Variants in RUVBL1 observed in about 807,000 individuals in gnomAD.
RUVBL1 encodes the protein ruvB-like 1.
Under a neutral mutation model 52.4 loss-of-function variants are expected in RUVBL1, and 4 were observed. The ratio of observed to expected loss-of-function variants is 0.08; its 90% CI spans 0.04 to 0.17. RUVBL1 has a LOEUF of 0.17. Among genes scored for constraint, RUVBL1 ranks in the 10% least tolerant of loss-of-function variants. The pLI, the probability that RUVBL1 is intolerant of heterozygous loss-of-function variation, is 1.00. For missense variants in RUVBL1, 298 were observed against 572.8 expected (o/e 0.52, Z 4.90); for synonymous variants, 217 against 214.4 (o/e 1.01, Z -0.10).
At chr3:128,136,096 A>T (rs1035173817) in intron 1 of RUVBL1, among the ~76,000 whole-genome samples, 3 of 152,162 alleles carry the variant, frequency 2.0e-5, no homozygotes, top group East Asian at 1.9e-4. Context: ...ACCACAAATT[A>T]AAAAACCTAC....
intron 8 of RUVBL1, among the ~76,000 whole-genome samples, chr3:128,092,816 C>T (rs1704191102): frequency 6.6e-6 from 1 of 152,154 alleles, no homozygotes; most frequent in Admixed American, 6.5e-5. Flanking sequence ...AAACAGTTAC[C>T]ACTGGACCCA....
chr3:128,066,739 A>G, intron 9 of RUVBL1: 1 of 577,784 alleles, frequency 1.7e-6, no homozygotes, highest in Non-Finnish European at 3.1e-6. Context: ...TGTATTTTTA[A>G]ACCAGCTTTT....
chr3:128,109,680 G>C (rs897193389), intron 3 of RUVBL1, among the ~76,000 whole-genome samples: 5 of 151,714 alleles, frequency 3.3e-5, no homozygotes, highest in African/African-American at 1.2e-4. Context: ...TTTTTGTAGA[G>C]ACACAGTTTC....
chr3:128,107,560 T>G (rs1221168432), intron 3 of RUVBL1, among the ~76,000 whole-genome samples: 1 of 152,234 alleles, frequency 6.6e-6, no homozygotes, highest in Non-Finnish European at 1.5e-5. Context: ...GTTTGCCTTC[T>G]CTACCCCAGA....
At chr3:128,144,895 T>G (rs930101957) in intron 1 of RUVBL1, among the ~76,000 whole-genome samples, 1 of 152,214 alleles carries the variant, frequency 6.6e-6, no homozygotes, top group Non-Finnish European at 1.5e-5. Context: ...GGCAGAGCAC[T>G]GGATTTCTCT....
At chr3:128,109,808 A>ATTTT (rs1463569803) in intron 3 of RUVBL1, among the ~76,000 whole-genome samples, 1 of 52,298 alleles carries the variant, frequency 1.9e-5, no homozygotes, top group South Asian at 6.4e-4. Context: ...CCTCTCTGTA[A>ATTTT]ATTTTTTTTT....
At chr3:128,122,924 G>C (rs1576478602) in intron 1 of RUVBL1, among the ~76,000 whole-genome samples, 1 of 152,284 alleles carries the variant, frequency 6.6e-6, no homozygotes, top group South Asian at 2.1e-4. Flanking sequence ...AAAGTACTTG[G>C]CATCACCAGC....
At chr3:128,104,327 T>G (rs775536307) in intron 4 of RUVBL1, among the ~76,000 whole-genome samples, 1 of 152,260 alleles carries the variant, frequency 6.6e-6, no homozygotes, top group Non-Finnish European at 1.5e-5. Context: ...GGATTCTGCA[T>G]GTGGCCCCTG....
intron 7 of RUVBL1, 56 bp from the exon 8 acceptor site, chr3:128,097,554 GC>G: frequency 6.7e-7 from 1 of 1,482,772 alleles, no homozygotes; most frequent in Non-Finnish European, 9.4e-7. Context: ...GGAGACTATC[GC>G]CTTTTCTCCT....
rs777393707 is a variant in RUVBL1, at chr3:128,096,826, C to CA, written c.1016+473_1016+474insT. Among the ~76,000 whole-genome samples, 33 of 148,478 alleles carry CA rather than the reference C, an allele frequency of 2.2e-4. No individual in the cohort carries two copies. The South Asian group carries it at 5.1e-3, about 23-fold the overall frequency. ...TGGGCGACACAGTGAGACTCTGTCC[C>CA]CAAAAAAAAAAAGAAAGAAAATGCT... On this transcript the variant is annotated intron_variant, in intron 8 of 10. Transcript: ENST00000322623.
intron 4 of RUVBL1, among the ~76,000 whole-genome samples, chr3:128,102,497 A>C (rs571300961): frequency 9.2e-5 from 14 of 152,376 alleles, no homozygotes; most frequent in African/African-American, 3.1e-4. Context: ...GATCTATGTT[A>C]TACAATGTAG....
At chr3:128,076,867 C>G (rs150141610), downstream of RUVBL1, among the ~76,000 whole-genome samples, 2,031 of 152,276 alleles carry the variant, frequency 0.013, 21 homozygotes, top group South Asian at 0.026. The surrounding 1 kb of genome is among the most constrained non-coding windows in gnomAD (Gnocchi z 6.8). Context: ...CCATGTCCCT[C>G]TGGGTGCGGG....
At chr3:128,093,630 G>T (rs1311709457) in intron 8 of RUVBL1, among the ~76,000 whole-genome samples, 1 of 152,124 alleles carries the variant, frequency 6.6e-6, no homozygotes, top group African/African-American at 2.4e-5. Flanking sequence ...TAATCCCAGG[G>T]AGCTATACCT....
intron 1 of RUVBL1, among the ~76,000 whole-genome samples, chr3:128,150,821 TTC>T (rs1944181746): frequency 7.3e-5 from 7 of 95,562 alleles, no homozygotes; most frequent in Non-Finnish European, 1.1e-4. Context: ...ATATTATATA[TTC>T]TATATATTAT....
At chr3:128,121,124 G>T (rs1348659335) in intron 1 of RUVBL1, among the ~76,000 whole-genome samples, 1 of 151,966 alleles carries the variant, frequency 6.6e-6, no homozygotes, top group Non-Finnish European at 1.5e-5. Context: ...TTCAGATGGA[G>T]TCTCGCTGTC....
rs1942214036 is a variant in RUVBL1, at chr3:128,073,045, A to G, written c.940-7825T>C. On this transcript the variant is annotated intron_variant, in intron 9 of 9. Coordinates refer to the RUVBL1 transcript ENST00000464873. Reference sequence around the variant, plus strand: ...AGTCCGTCCATTTTACAGGTGAAGAAACTGAGGCCCAGGGAAATAGAGTGT... The same window carrying G: ...AGTCCGTCCATTTTACAGGTGAAGAGACTGAGGCCCAGGGAAATAGAGTGT... 2.0e-5 allele frequency among the ~76,000 whole-genome samples: 3 copies of G among 152,298 alleles called. No individual in the cohort carries two copies. In the South Asian group the frequency reaches 6.2e-4, roughly 32 times the overall value.
upstream of RUVBL1, among the ~76,000 whole-genome samples, chr3:128,127,201 T>C (rs967765139): frequency 5.9e-5 from 9 of 152,226 alleles, no homozygotes; most frequent in South Asian, 2.1e-4. Context: ...TATCCCTGCA[T>C]CATCCTCGCC....
intron 6 of RUVBL1, 55 bp from the exon 7 acceptor site, chr3:128,099,000 C>G: frequency 6.9e-7 from 1 of 1,447,608 alleles, no homozygotes; most frequent in Non-Finnish European, 9.7e-7. Flanking sequence ...CTACAGAAGC[C>G]TCATCCCCCT....
At chr3:128,149,399 G>C (rs1462025595) in intron 1 of RUVBL1, among the ~76,000 whole-genome samples, 1 of 152,060 alleles carries the variant, frequency 6.6e-6, no homozygotes, top group Non-Finnish European at 1.5e-5. Flanking sequence ...TGGCCAGGCT[G>C]GTCCTGAACT....
Sources: gnomAD v4.1 joint callset for allele counts (sites outside exome capture counted in the v4.1 genomes callset) on GRCh38, gnomAD v4.1.1 for gene constraint, Gnocchi (gnomAD v3.1) non-coding constraint, MANE v1.5 for transcripts, NCBI Gene and HGNC (gene_info 2026-07-23, HGNC 2026-07-21) for gene names.